Variants in ABCA4 observed in about 807,000 individuals in gnomAD.
ABCA4 encodes the protein retinal-specific phospholipid-transporting ATPase ABCA4.
Under a neutral mutation model 263.7 loss-of-function variants are expected in ABCA4, and 196 were observed. That is an observed-to-expected ratio of 0.74 (90% CI 0.66 to 0.84). The LOEUF (loss-of-function observed/expected upper bound fraction) is 0.84, where lower values mean the gene tolerates loss of function less well. Among genes scored for constraint, ABCA4 ranks in the 40% least tolerant of loss-of-function variants. ABCA4 has a pLI of 0.00. For synonymous variants in ABCA4, 1,133 were observed against 1,094.2 expected, an observed-to-expected ratio of 1.04 and a Z score of -0.70; for missense variants, 2,792 against 2,855.1, an observed-to-expected ratio of 0.98 and a Z score of 0.50.
chr1:94,093,783 C>G (rs1662041245), intron 6 of ABCA4, among the ~76,000 whole-genome samples: 1 of 152,208 alleles, frequency 6.6e-6, no homozygotes, highest in Non-Finnish European at 1.5e-5. Flanking sequence ...TCTTCTATTT[C>G]ATTTTTATTT....
At chr1:94,042,233 G>A (rs1235860321) in intron 22 of ABCA4, among the ~76,000 whole-genome samples, 2 of 152,156 alleles carry the variant, frequency 1.3e-5, no homozygotes, top group African/African-American at 2.4e-5. Context: ...GCTTGACCAC[G>A]GGGTTGAACC....
intron 4 of ABCA4, among the ~76,000 whole-genome samples, chr1:94,106,576 C>G (rs1214564171): frequency 1.3e-5 from 2 of 152,168 alleles, no homozygotes; most frequent in Admixed American, 1.3e-4. Flanking sequence ...TATAAGGTTC[C>G]TCAAACTTGG....
At position 94,113,646 on chromosome 1, in the gene ABCA4, T is replaced by C. The variant is rs533565404; in HGVS notation, c.67-580A>G. ...ACCTTGCCCTTGCAAATGTGGTCATTTAATGAATCAGTGAATGAATGAGTG... is the reference window on the plus strand; with the variant it reads ...ACCTTGCCCTTGCAAATGTGGTCATCTAATGAATCAGTGAATGAATGAGTG... On this transcript the variant is annotated intron_variant, in intron 1 of 49. Transcript: ENST00000370225. Among the ~76,000 whole-genome samples, 87 of 152,264 alleles carry C rather than the reference T, an allele frequency of 5.7e-4. 2 individuals carry two copies. Among genetic ancestry groups the C allele is most frequent in the African/African-American group, 2.0e-3 (82 of 41,562 alleles).
At chr1:94,026,128 G>C (rs576361141) in intron 30 of ABCA4, among the ~76,000 whole-genome samples, 1 of 152,214 alleles carries the variant, frequency 6.6e-6, no homozygotes, top group Non-Finnish European at 1.5e-5. Flanking sequence ...TGTCAAGGGT[G>C]CTGCCCAGAA....
intron 4 of ABCA4, among the ~76,000 whole-genome samples, chr1:94,107,038 C>T (rs554071340): frequency 5.9e-5 from 9 of 152,278 alleles, no homozygotes; most frequent in African/African-American, 1.7e-4. Context: ...AGGAGCTGCA[C>T]GCATGCACGG....
chr1:94,062,880 A>C, intron 12 of ABCA4, 127 bp from the exon 13 acceptor site: 1 of 1,139,840 alleles, frequency 8.8e-7, no homozygotes, highest in Non-Finnish European at 1.3e-6. Context: ...AAAGGATCCA[A>C]TTCTATTTCC....
chr1:94,102,974 C>T (rs1354181720), intron 5 of ABCA4, 41 bp downstream of exon 5: 6 of 1,613,782 alleles, frequency 3.7e-6, no homozygotes, highest in Non-Finnish European at 5.1e-6. Flanking sequence ...CTGGGTGCTT[C>T]CCTCCCCTCC....
chr1:94,021,532 T>A (rs1459409993), intron 34 of ABCA4, 108 bp downstream of exon 34: 3 of 1,515,120 alleles, frequency 2.0e-6, no homozygotes, highest in East Asian at 4.5e-5. Context: ...CCTTGCTAGA[T>A]TTCAGCAGGA....
chr1:94,001,524 G>A, intron 45 of ABCA4: 3 of 566,914 alleles, frequency 5.3e-6, no homozygotes, highest in South Asian at 4.7e-5. Context: ...AGGAGCCTTT[G>A]ACCCAGCTCA....
At chr1:94,116,998 C>CTT (rs1392130445) in intron 1 of ABCA4, among the ~76,000 whole-genome samples, 1 of 116,590 alleles carries the variant, frequency 8.6e-6, no homozygotes, top group Non-Finnish European at 1.8e-5. Flanking sequence ...TTCTTTCTTT[C>CTT]TTTCTTTCTT....
At chr1:94,109,435 G>A (rs1426595077) in intron 3 of ABCA4, among the ~76,000 whole-genome samples, 2 of 152,316 alleles carry the variant, frequency 1.3e-5, no homozygotes, top group South Asian at 4.1e-4. Context: ...ACACACATTG[G>A]CACGCATGCA....
chr1:94,026,058 G>A (rs962001058), intron 30 of ABCA4, among the ~76,000 whole-genome samples: 1 of 152,172 alleles, frequency 6.6e-6, no homozygotes. Context: ...CCACCAGGTG[G>A]CAATATTACT....
At chr1:94,066,352 T>C (rs1242793544) in intron 11 of ABCA4, among the ~76,000 whole-genome samples, 2 of 152,210 alleles carry the variant, frequency 1.3e-5, no homozygotes, top group African/African-American at 4.8e-5. Flanking sequence ...TGTACAAAGA[T>C]AAGTAGTCAA....
chr1:94,117,007 T>TTTCTTTCTTTCTTTCTTTC (rs1553197143), intron 1 of ABCA4, among the ~76,000 whole-genome samples: 1,279 of 116,240 alleles, frequency 0.011, 17 homozygotes, highest in African/African-American at 0.023. Flanking sequence ...TCTTTCTTTC[T>TTTCTTTCTTTCTTTCTTTC]TTCTTTCTTT....
intron 36 of ABCA4, 173 bp downstream of exon 36, chr1:94,019,409 C>G (rs1659831100): frequency 2.7e-6 from 2 of 730,158 alleles, no homozygotes; most frequent in South Asian, 3.8e-5. Flanking sequence ...TAGTTCTGTG[C>G]CTTTCTGAGA....
At chr1:94,107,553 A>G (rs181414422) in intron 4 of ABCA4, among the ~76,000 whole-genome samples, 406 of 152,222 alleles carry the variant, frequency 2.7e-3, no homozygotes, top group South Asian at 5.0e-3. Context: ...TCTCCTGGGG[A>G]GGAGAGACAC....
intron 38 of ABCA4, among the ~76,000 whole-genome samples, chr1:94,014,225 G>A (rs908606440): frequency 1.3e-5 from 2 of 151,552 alleles, no homozygotes; most frequent in Non-Finnish European, 2.9e-5. Flanking sequence ...GGGATGGAGG[G>A]AGGATGAAAG....
At chr1:94,095,249 GA>G (rs2101129238) in intron 6 of ABCA4, among the ~76,000 whole-genome samples, 1 of 152,016 alleles carries the variant, frequency 6.6e-6, no homozygotes, top group Admixed American at 6.5e-5. Context: ...GGAACCGAGA[GA>G]AAACACAGCT....
chr1:94,075,052 A>G (rs1048464979), intron 11 of ABCA4, among the ~76,000 whole-genome samples: 1 of 152,198 alleles, frequency 6.6e-6, no homozygotes, highest in African/African-American at 2.4e-5. Context: ...TCAGCAAACT[A>G]ACACAGGAAC....
Sources: allele counts gnomAD v4.1 joint callset (sites outside exome capture counted in the v4.1 genomes callset), GRCh38; gene constraint gnomAD v4.1.1; transcripts MANE v1.5; gene names NCBI Gene and HGNC (gene_info 2026-07-23, HGNC 2026-07-21).